The following HNRNPF variants were observed in gnomAD, a reference collection of about 807,000 sequenced individuals.
The protein encoded by HNRNPF is HnRNP F protein.
In HNRNPF, 2 loss-of-function variants were observed where a neutral mutation model predicts 26.0. The observed-to-expected ratio is 0.08, with a 90% confidence interval of 0.03 to 0.24. HNRNPF has a LOEUF of 0.24. Among genes scored for constraint, HNRNPF ranks in the 10% least tolerant of loss-of-function variants. HNRNPF has a pLI of 1.00. For missense variants in HNRNPF, 299 were observed against 539.2 expected, an observed-to-expected ratio of 0.55 and a Z score of 4.41; for synonymous variants, 234 against 211.5, an observed-to-expected ratio of 1.11 and a Z score of -0.92.
intron 3 of HNRNPF, among the ~76,000 whole-genome samples, chr10:43,391,271 C>G (rs768690664): frequency 6.2e-5 from 9 of 145,242 alleles, no homozygotes; most frequent in Non-Finnish European, 1.0e-4. Context: ...CCAGCCTGGG[C>G]GACAGTGCAA....
chr10:43,387,980 A>G lies in HNRNPF; in HGVS notation c.-52-44T>C. ...AAAATTTATTTAGTATGCAACAGAA[A>G]TTTTCCCCATTTTACAGACGAGAGA... On this transcript the variant is annotated intron_variant, in intron 3 of 3. Transcript: ENST00000682386. The surrounding 1 kb of genome is among the most constrained non-coding windows in gnomAD (Gnocchi z 6.0). 2 of 1,024,936 alleles carry G rather than the reference A, an allele frequency of 2.0e-6. No individual in the cohort carries two copies. The highest frequency in any genetic ancestry group is 3.4e-5 in the South Asian group (2 of 58,088). The allele number at this position is 1,024,936 out of a possible 1,614,324, so 63.5% of individuals were successfully genotyped here.
chr10:43,397,370 C>T (rs888001167), intron 1 of HNRNPF: 1 of 152,352 alleles, frequency 6.6e-6, no homozygotes, highest in Non-Finnish European at 1.5e-5. Context: ...GCCCCGTGGC[C>T]CGCGCGCTGG....
intron 1 of HNRNPF, among the ~76,000 whole-genome samples, chr10:43,405,701 A>G (rs1028244497): frequency 6.6e-6 from 1 of 152,166 alleles, no homozygotes; most frequent in Non-Finnish European, 1.5e-5. Context: ...AACCCTGGAT[A>G]CTTGATATTT....
intron 1 of HNRNPF, among the ~76,000 whole-genome samples, chr10:43,399,640 G>T (rs929024812): frequency 6.6e-6 from 1 of 152,172 alleles, no homozygotes; most frequent in African/African-American, 2.4e-5. Flanking sequence ...ATGAATGGTG[G>T]GAAGAGATAC....
intron 1 of HNRNPF, chr10:43,397,089 G>C (rs1838569878): frequency 6.6e-6 from 1 of 151,892 alleles, no homozygotes; most frequent in South Asian, 2.1e-4. Context: ...TCGTAGGTCT[G>C]CGTCCGTCTC....
chr10:43,391,615 C>T (rs569656757), intron 3 of HNRNPF, among the ~76,000 whole-genome samples: 8 of 152,312 alleles, frequency 5.3e-5, no homozygotes, highest in Middle Eastern at 3.4e-3. Flanking sequence ...CACCTCCTCT[C>T]CAGCTGGTTG....
At chr10:43,399,270 T>G (rs1838675754) in intron 1 of HNRNPF, among the ~76,000 whole-genome samples, 1 of 152,104 alleles carries the variant, frequency 6.6e-6, no homozygotes, top group South Asian at 2.1e-4. Flanking sequence ...AATTTTTTAG[T>G]AGAGGCAAGG....
chr10:43,399,156 A>T (rs572380620), intron 1 of HNRNPF, among the ~76,000 whole-genome samples: 4 of 152,130 alleles, frequency 2.6e-5, no homozygotes, highest in South Asian at 4.2e-4. Flanking sequence ...TGACAGGCAC[A>T]TTAGCCTCAA....
At chr10:43,405,451 T>C (rs1838883444) in intron 1 of HNRNPF, among the ~76,000 whole-genome samples, 1 of 151,922 alleles carries the variant, frequency 6.6e-6, no homozygotes, top group Admixed American at 6.6e-5. Context: ...GGTCAGGAGA[T>C]CGAGACCATC....
rs1026828959 is a variant in HNRNPF at position 43,385,732 on chromosome 10, C to T, written c.*905G>A. ...CAGATGTGACTCCAGCATCAAGGGC[C>T]TAGCAGGAAAATTCTGAATGGTTTA... is the stretch of plus-strand genomic sequence containing the variant. On this transcript the variant is annotated 3_prime_UTR_variant, in exon 4 of 4. Transcript: ENST00000682386. 1 of 152,208 alleles carries T rather than the reference C, an allele frequency of 6.6e-6. No individual in the cohort carries two copies. The highest frequency in any genetic ancestry group is 2.4e-5 in the African/African-American group (1 of 41,448). The allele number at this position is 152,208 out of a possible 1,614,324, so 9.4% of individuals were successfully genotyped here.
At chr10:43,408,372 T>C (rs2131997685) in intron 1 of HNRNPF, among the ~76,000 whole-genome samples, 1 of 152,274 alleles carries the variant, frequency 6.6e-6, no homozygotes, top group South Asian at 2.1e-4. Context: ...ACGCTGCGTC[T>C]CCCGATCCCA....
chr10:43,400,366 T>C (rs910072996), intron 1 of HNRNPF, among the ~76,000 whole-genome samples: 1 of 152,206 alleles, frequency 6.6e-6, no homozygotes, highest in African/African-American at 2.4e-5. Context: ...TATTTCGTGG[T>C]GAATCCTTTA....
In HNRNPF at chr10:43,387,276, G is replaced by C. The variant is rs765544148; in HGVS notation, c.609C>G (p.Ser203=). 9.9e-6 allele frequency: 16 copies of C among 1,614,084 alleles called. No individual in the cohort carries two copies. Among genetic ancestry groups the C allele is most frequent in the African/African-American group, 1.3e-5 (1 of 74,930 alleles). The change falls in exon 4 of 4, where the codon TCC becomes TCG. Residue 203 remains serine, a synonymous_variant. Coordinates refer to ENST00000682386, the MANE Select transcript of HNRNPF (RefSeq NM_001098204.2). This position sits in a 1 kb window ranked among gnomAD's most constrained non-coding sequence, Gnocchi z 6.0. The stretch of plus-strand genomic sequence containing the variant: ...GGTCATAGGGCCCTGGCCGCTGCAC[G>C]GACATGAACTTCAGAGGGGGATCTG... The part of the protein sequence containing the change: ...SYSDPPLKFM[S]VQRPGPYDRP...
chr10:43,404,661 C>T (rs1194479490), intron 1 of HNRNPF, among the ~76,000 whole-genome samples: 7 of 151,968 alleles, frequency 4.6e-5, no homozygotes, highest in Non-Finnish European at 1.0e-4. Flanking sequence ...AGGTTGAGAC[C>T]AGCCTGACCA....
intron 3 of HNRNPF, among the ~76,000 whole-genome samples, chr10:43,391,895 C>T (rs1466041933): frequency 6.6e-6 from 1 of 152,150 alleles, no homozygotes; most frequent in Non-Finnish European, 1.5e-5. Context: ...TTGATTTGTT[C>T]AGCAAAATCT....
chr10:43,398,893 A>G (rs1202928110), intron 1 of HNRNPF, among the ~76,000 whole-genome samples: 1 of 152,208 alleles, frequency 6.6e-6, no homozygotes, highest in Non-Finnish European at 1.5e-5. Context: ...TACAGGGAAC[A>G]GTAACATACT....
chr10:43,387,995 C>G lies in HNRNPF; in HGVS notation c.-52-59G>C. The G allele has an allele frequency of 1.2e-6, 1 of 868,412 alleles. No homozygotes were observed. The highest frequency in any genetic ancestry group is 1.8e-6 in the Non-Finnish European group (1 of 571,358). The allele number at this position is 868,412 out of a possible 1,614,324, so 53.8% of individuals were successfully genotyped here. A position where few individuals can be genotyped will look rare whatever the true frequency, so the allele number is the denominator to read the frequency against. ...TGCAACAGAAATTTTCCCCATTTTA[C>G]AGACGAGAGAGGTAGCAAGACATTA... On this transcript the variant is annotated intron_variant, in intron 3 of 3. Transcript: ENST00000682386. The surrounding 1 kb of genome is among the most constrained non-coding windows in gnomAD (Gnocchi z 6.0).
At chr10:43,392,517 C>T (rs1391336481) in intron 3 of HNRNPF, among the ~76,000 whole-genome samples, 2 of 152,146 alleles carry the variant, frequency 1.3e-5, no homozygotes, top group South Asian at 2.1e-4. Context: ...CCAGCCTAGG[C>T]GACAGAGACT....
At chr10:43,406,654 T>G (rs546034734) in intron 1 of HNRNPF, among the ~76,000 whole-genome samples, 1 of 152,284 alleles carries the variant, frequency 6.6e-6, no homozygotes, top group Admixed American at 6.5e-5. Context: ...ATCACACCAT[T>G]GCACTCCAGC....
Sources: gnomAD v4.1 joint callset for allele counts (sites outside exome capture counted in the v4.1 genomes callset) on GRCh38, gnomAD v4.1.1 for gene constraint, Gnocchi (gnomAD v3.1) non-coding constraint, MANE v1.5 for transcripts, NCBI Gene and HGNC (gene_info 2026-07-23, HGNC 2026-07-21) for gene names.